The following RCSD1 variants were observed in gnomAD, a reference collection of about 807,000 sequenced individuals.
RCSD1 encodes capZ-interacting protein.
RCSD1 carries 26 observed loss-of-function variants against 42.5 expected under a neutral mutation model. The ratio of observed to expected loss-of-function variants is 0.61; its 90% CI spans 0.45 to 0.85. The LOEUF (loss-of-function observed/expected upper bound fraction) is 0.85. Among genes scored for constraint, RCSD1 ranks in the 40% least tolerant of loss-of-function variants. RCSD1 has a pLI of 0.00. For missense variants in RCSD1, 571 were observed against 528.3 expected (o/e 1.08, Z -0.79); for synonymous variants, 220 against 212.2 (o/e 1.04, Z -0.32).
At chr1:167,684,274 T>C (rs1659165832) in intron 2 of RCSD1, among the ~76,000 whole-genome samples, 1 of 152,198 alleles carries the variant, frequency 6.6e-6, no homozygotes, top group South Asian at 2.1e-4. Flanking sequence ...TCCATCTTGA[T>C]CATCCACCTA....
At position 167,630,891 on chromosome 1, in the gene RCSD1, T is replaced by C. The variant is rs548339779; in HGVS notation, c.6+462T>C. Among the ~76,000 whole-genome samples the C allele has an allele frequency of 2.0e-5, 3 of 152,274 alleles. No individual in the cohort carries two copies. In the South Asian group the frequency reaches 6.2e-4, roughly 32 times the overall value. On this transcript the variant is annotated intron_variant, in intron 1 of 6. Transcript: ENST00000367854. ...CACGAGGCCAGCACGTCTTCGTGGGTCTGTGGGCTTCCCTTTTCGCTTTCG... is the reference window on the plus strand; with the variant it reads ...CACGAGGCCAGCACGTCTTCGTGGGCCTGTGGGCTTCCCTTTTCGCTTTCG...
intron 1 of RCSD1, among the ~76,000 whole-genome samples, chr1:167,674,568 T>C (rs994026575): frequency 6.6e-6 from 1 of 152,212 alleles, no homozygotes; most frequent in Non-Finnish European, 1.5e-5. Context: ...CACAGTCAAT[T>C]TTAGAACATT....
chr1:167,698,361 T>A (rs754846295), intron 6 of RCSD1, among the ~76,000 whole-genome samples: 6 of 152,178 alleles, frequency 3.9e-5, no homozygotes, highest in Non-Finnish European at 8.8e-5. Context: ...AGAAACAATT[T>A]GTGTGTGGAT....
intron 3 of RCSD1, 65 bp downstream of exon 3, chr1:167,685,575 G>T (rs1038247020): frequency 1.4e-6 from 2 of 1,380,342 alleles, no homozygotes; most frequent in Non-Finnish European, 2.1e-6. Flanking sequence ...CTTGAGGAAA[G>T]TTTGGAGGAG....
chr1:167,686,260 A>C (rs190138574), intron 3 of RCSD1, among the ~76,000 whole-genome samples: 132 of 152,264 alleles, frequency 8.7e-4, no homozygotes, highest in African/African-American at 3.1e-3. Context: ...CCAACCCCAA[A>C]ATACAGCAAG....
chr1:167,670,357 G>GAAAAAAA (rs58634704), intron 1 of RCSD1, among the ~76,000 whole-genome samples: 1 of 132,356 alleles, frequency 7.6e-6, no homozygotes, highest in African/African-American at 2.8e-5. Context: ...CTTTGCAAAA[G>GAAAAAAA]AAAAAAAAAA....
At chr1:167,696,566 C>A (rs1216839277) in intron 5 of RCSD1, among the ~76,000 whole-genome samples, 1 of 151,762 alleles carries the variant, frequency 6.6e-6, no homozygotes, top group Non-Finnish European at 1.5e-5. Flanking sequence ...ATATTCCCAT[C>A]TCAGCCTCCC....
chr1:167,665,668 G>A lies in RCSD1; in HGVS notation c.7-18232G>A, dbSNP rs544015016. Among the ~76,000 whole-genome samples, 5 of 152,328 alleles carry A rather than the reference G, an allele frequency of 3.3e-5. No individual in the cohort carries two copies. The South Asian group carries it at 1.0e-3, about 32-fold the overall frequency. ...TTAATTTAGCCATTCTTGTGGGTGT[G>A]TAGTGGTATCTCTTTACAGTCTTAA... On this transcript the variant is annotated intron_variant, in intron 1 of 6. Coordinates refer to ENST00000367854, the MANE Select transcript of RCSD1 (RefSeq NM_052862.4).
intron 1 of RCSD1, among the ~76,000 whole-genome samples, chr1:167,670,077 G>C (rs1313446042): frequency 6.6e-6 from 1 of 152,094 alleles, no homozygotes; most frequent in East Asian, 1.9e-4. Context: ...TGGGCCTCCA[G>C]GTGGCTGTAA....
intron 1 of RCSD1, among the ~76,000 whole-genome samples, chr1:167,638,819 T>C (rs1204926585): frequency 1.3e-5 from 2 of 152,212 alleles, no homozygotes; most frequent in African/African-American, 2.4e-5. Flanking sequence ...GAAAGAACCA[T>C]AGCAATTTCT....
At chr1:167,658,850 A>T (rs1303385349) in intron 1 of RCSD1, among the ~76,000 whole-genome samples, 1 of 151,884 alleles carries the variant, frequency 6.6e-6, no homozygotes, top group East Asian at 1.9e-4. Flanking sequence ...ACAGTACTGC[A>T]GTTAGCCCCC....
intron 1 of RCSD1, among the ~76,000 whole-genome samples, chr1:167,645,656 A>G (rs1454236627): frequency 6.6e-6 from 1 of 152,206 alleles, no homozygotes; most frequent in Non-Finnish European, 1.5e-5. Flanking sequence ...GATGGTGGTG[A>G]GAAGCTAGTG....
At chr1:167,681,120 A>C (rs1659073280) in intron 1 of RCSD1, among the ~76,000 whole-genome samples, 1 of 152,256 alleles carries the variant, frequency 6.6e-6, no homozygotes, top group African/African-American at 2.4e-5. Context: ...CATTGCAGCT[A>C]TGCAAATCAG....
chr1:167,704,815 G>A lies in RCSD1; in HGVS notation c.*119G>A. The A allele has an allele frequency of 1.0e-6, 1 of 972,840 alleles. No homozygotes were observed. Among genetic ancestry groups the A allele is most frequent in the East Asian group, 2.6e-5 (1 of 39,054 alleles). 60.3% of individuals were successfully genotyped at this position (972,840 alleles called of 1,614,324 possible). On this transcript the variant is annotated 3_prime_UTR_variant, in exon 7 of 7. Transcript: ENST00000367854. ...CAGAGGCAGAATATGCTGAGTGTCT[G>A]GAGTCAGCCTGAAGACACAGGGTGG...
rs144611893 is a variant in RCSD1, at chr1:167,689,226, G to A, written c.199-823G>A. Among the ~76,000 whole-genome samples, 806 of 152,220 alleles carry A rather than the reference G, an allele frequency of 5.3e-3. 11 individuals are homozygous for A. Among genetic ancestry groups the A allele is most frequent in the African/African-American group, 0.019 (771 of 41,534 alleles). ...ATTCAGGCTGGGCGTGGTGGCTCAC[G>A]CCTGTAATCCCAGCACTTTGGGAGG... On this transcript the variant is annotated intron_variant, in intron 3 of 6. Transcript: ENST00000367854.
chr1:167,686,470 C>A (rs1158475209), intron 3 of RCSD1, among the ~76,000 whole-genome samples: 1 of 152,118 alleles, frequency 6.6e-6, no homozygotes, highest in Non-Finnish European at 1.5e-5. Context: ...TTTTGTCAAC[C>A]TAAGGCTTAT....
intron 1 of RCSD1, among the ~76,000 whole-genome samples, chr1:167,682,513 C>G (rs1338801668): frequency 6.6e-6 from 1 of 152,182 alleles, no homozygotes. Flanking sequence ...ACTTAACTTC[C>G]CTGCTGGAAG....
chr1:167,631,620 G>A (rs1657698567), intron 1 of RCSD1, among the ~76,000 whole-genome samples: 1 of 152,194 alleles, frequency 6.6e-6, no homozygotes, highest in African/African-American at 2.4e-5. Flanking sequence ...AAGTGGCTGG[G>A]ACTACCAGTG....
intron 1 of RCSD1, among the ~76,000 whole-genome samples, chr1:167,675,430 C>T (rs60524481): frequency 0.14 from 21,858 of 151,952 alleles, 3,121 homozygotes; most frequent in African/African-American, 0.37. Flanking sequence ...TTATTCACTA[C>T]CATGAGAACA....
Sources: allele counts gnomAD v4.1 joint callset (sites outside exome capture counted in the v4.1 genomes callset), GRCh38; gene constraint gnomAD v4.1.1; transcripts MANE v1.5; gene names NCBI Gene and HGNC (gene_info 2026-07-23, HGNC 2026-07-21).